The following CNTLN variants were observed in gnomAD, a reference collection of about 807,000 sequenced individuals.
CNTLN encodes centlein, centrosomal protein.
In CNTLN, 212 loss-of-function variants were observed where a neutral mutation model predicts 180.0. That is an observed-to-expected ratio of 1.18 (90% CI 1.05 to 1.32). The LOEUF is 1.32. Ranked by LOEUF, CNTLN falls within the 40% of genes most tolerant of loss-of-function variation. The pLI is 0.00. For synonymous variants in CNTLN, 722 were observed against 563.1 expected (o/e 1.28, Z -3.99); for missense variants, 2,095 against 1,610.9 (o/e 1.30, Z -5.14).
chr9:17,436,969 C>T (rs75335729), intron 18 of CNTLN, among the ~76,000 whole-genome samples: 3 of 152,274 alleles, frequency 2.0e-5, no homozygotes, highest in East Asian at 3.9e-4. Flanking sequence ...TCTCTAGGGC[C>T]GTGGCTTTTG....
At chr9:17,470,673 A>G (rs1832004663) in intron 23 of CNTLN, among the ~76,000 whole-genome samples, 1 of 151,958 alleles carries the variant, frequency 6.6e-6, no homozygotes, top group Non-Finnish European at 1.5e-5. Flanking sequence ...GGAAATTTCT[A>G]GAAGTATTTG....
intron 2 of CNTLN, among the ~76,000 whole-genome samples, chr9:17,144,532 C>G (rs1818315771): frequency 6.6e-6 from 1 of 151,966 alleles, no homozygotes; most frequent in African/African-American, 2.4e-5. Context: ...CTAAACCTAT[C>G]CATAATTTTT....
chr9:17,515,944 G>C, the CNTLN span, among the ~76,000 whole-genome samples: 2 of 152,112 alleles, frequency 1.3e-5, no homozygotes, highest in Non-Finnish European at 2.9e-5. Context: ...AGGCCTGCAT[G>C]ACCTGGCCAC....
At chr9:17,253,858 T>G (rs998601879) in intron 5 of CNTLN, among the ~76,000 whole-genome samples, 4 of 151,406 alleles carry the variant, frequency 2.6e-5, no homozygotes, top group African/African-American at 4.8e-5. Context: ...TAGTTTAAAT[T>G]ATTATAGGAA....
chr9:17,385,290 C>G (rs1042353499), intron 13 of CNTLN, among the ~76,000 whole-genome samples: 27 of 152,292 alleles, frequency 1.8e-4, no homozygotes, highest in Middle Eastern at 3.4e-3. Flanking sequence ...AAGTAGCCAT[C>G]ATTGATTCAA....
chr9:17,224,478 C>G (rs2132072079), intron 2 of CNTLN, among the ~76,000 whole-genome samples: 1 of 152,082 alleles, frequency 6.6e-6, no homozygotes, highest in Non-Finnish European at 1.5e-5. Flanking sequence ...GTTATTACTT[C>G]TGGAATGTTG....
intron 1 of CNTLN, among the ~76,000 whole-genome samples, chr9:17,139,595 G>T (rs1298685814): frequency 6.6e-6 from 1 of 151,922 alleles, no homozygotes; most frequent in Non-Finnish European, 1.5e-5. Context: ...GGGAGGCGAA[G>T]GTTGCAGTGC....
chr9:17,385,426 T>C (rs914326190), intron 13 of CNTLN, among the ~76,000 whole-genome samples: 2 of 152,208 alleles, frequency 1.3e-5, no homozygotes, highest in African/African-American at 4.8e-5. Context: ...AGTCCTCATC[T>C]TGAACCTATC....
chr9:17,361,372 T>C (rs1823378588), intron 12 of CNTLN, among the ~76,000 whole-genome samples: 1 of 152,190 alleles, frequency 6.6e-6, no homozygotes, highest in African/African-American at 2.4e-5. Flanking sequence ...CTGTGTTCTC[T>C]ATTGAATGCC....
At chr9:17,512,253 C>A in the CNTLN span, among the ~76,000 whole-genome samples, 1 of 152,128 alleles carries the variant, frequency 6.6e-6, no homozygotes. Flanking sequence ...GTAGAATAAG[C>A]CCTGGACCCC....
intron 7 of CNTLN, chr9:17,301,225 T>C: frequency 1.0e-6 from 1 of 985,430 alleles, no homozygotes; most frequent in Non-Finnish European, 1.2e-6. Flanking sequence ...TTGGGAGAAG[T>C]AGAGCTTATA....
chr9:17,304,752 T>C (rs1172946187), intron 7 of CNTLN, among the ~76,000 whole-genome samples: 1 of 152,146 alleles, frequency 6.6e-6, no homozygotes, highest in Non-Finnish European at 1.5e-5. Flanking sequence ...AGAAAAAGTA[T>C]AACAACTATT....
At chr9:17,326,886 C>G (rs113803448) in intron 8 of CNTLN, among the ~76,000 whole-genome samples, 19 of 152,030 alleles carry the variant, frequency 1.2e-4, no homozygotes, top group African/African-American at 4.3e-4. Context: ...AAAAGGAGCT[C>G]TAGGAGATAT....
chr9:17,370,787 A>G (rs1824254091), intron 13 of CNTLN, among the ~76,000 whole-genome samples: 1 of 152,148 alleles, frequency 6.6e-6, no homozygotes, highest in Admixed American at 6.5e-5. Flanking sequence ...CAAAAAGTTA[A>G]AAACAGGCTG....
chr9:17,482,591 C>T (rs777721920), intron 23 of CNTLN, among the ~76,000 whole-genome samples: 7 of 152,074 alleles, frequency 4.6e-5, no homozygotes. Context: ...AGAGAATCTA[C>T]ACAAGCTGAA....
At chr9:17,305,276 T>C (rs1818629741) in intron 7 of CNTLN, among the ~76,000 whole-genome samples, 1 of 152,254 alleles carries the variant, frequency 6.6e-6, no homozygotes, top group East Asian at 1.9e-4. Flanking sequence ...ATTATAATGA[T>C]TGATACTTCT....
intron 6 of CNTLN, among the ~76,000 whole-genome samples, chr9:17,287,137 G>C (rs1829034850): frequency 7.3e-6 from 1 of 136,380 alleles, no homozygotes; most frequent in African/African-American, 2.8e-5. Flanking sequence ...GATATTGGCT[G>C]TGGGTTTGTC....
At chr9:17,223,997 C>A (rs1248751949) in intron 2 of CNTLN, among the ~76,000 whole-genome samples, 1 of 151,998 alleles carries the variant, frequency 6.6e-6, no homozygotes, top group Non-Finnish European at 1.5e-5. Flanking sequence ...TCCCTAGGGT[C>A]TTCATGACTC....
At chr9:17,137,485 G>A (rs367576871) in intron 1 of CNTLN, among the ~76,000 whole-genome samples, 2 of 152,014 alleles carry the variant, frequency 1.3e-5, no homozygotes, top group Non-Finnish European at 1.5e-5. Context: ...ATTACAACTC[G>A]AAGTAAAATT....
Sources: allele counts gnomAD v4.1 joint callset (sites outside exome capture counted in the v4.1 genomes callset), GRCh38; gene constraint gnomAD v4.1.1; transcripts MANE v1.5; gene names NCBI Gene and HGNC (gene_info 2026-07-23, HGNC 2026-07-21).